The following TECRL variants were observed in gnomAD, a reference collection of about 807,000 sequenced individuals.
The protein encoded by TECRL is trans-2,3-enoyl-CoA reductase like, also known as trans-2,3-enoyl-CoA reductase-like.
A neutral mutation model predicts 52.8 loss-of-function variants in TECRL; 63 were observed. That is an observed-to-expected ratio of 1.19 (90% CI 0.97 to 1.47). The LOEUF (loss-of-function observed/expected upper bound fraction) is 1.47. Among genes scored for constraint, TECRL ranks in the 40% most tolerant of loss-of-function variants. TECRL has a pLI of 0.00. For missense variants in TECRL, 482 were observed against 429.6 expected, an observed-to-expected ratio of 1.12 and a Z score of -1.08; for synonymous variants, 164 against 141.9, an observed-to-expected ratio of 1.16 and a Z score of -1.10.
At chr4:64,338,835 G>A (rs184806304) in intron 2 of TECRL, among the ~76,000 whole-genome samples, 292 of 152,262 alleles carry the variant, frequency 1.9e-3, no homozygotes, top group African/African-American at 6.8e-3. Context: ...ACTGTTGGTA[G>A]GACTGTAAAC....
rs1722798271 is a variant in TECRL at position 64,281,044 on chromosome 4, G to T, written c.961C>A (p.Pro321Thr). The T allele has an allele frequency of 7.5e-6, 12 of 1,597,986 alleles. No homozygotes were observed. The highest frequency in any genetic ancestry group is 1.3e-5 in the African/African-American group (1 of 74,672). Residue 321 changes from proline (P) to threonine (T), a missense_variant, in exon 11 of 12, where the codon CCA becomes ACA. Transcript: ENST00000381210. ...TATCAGTATATCTAGGTCTTACCTG[G>T]CAGTGTTTGTGTCATGACTGTGAAA... The part of the protein sequence containing the change: ...ISFTVMTQTL[P>T]VGIFTLLMSI...
chr4:64,364,872 T>C (rs1577940737), intron 2 of TECRL, among the ~76,000 whole-genome samples: 1 of 147,534 alleles, frequency 6.8e-6, no homozygotes, highest in East Asian at 2.0e-4. Context: ...TTTTTTTTCA[T>C]TGAGGAAGAA....
At chr4:64,306,987 C>T (rs1294078108) in intron 6 of TECRL, among the ~76,000 whole-genome samples, 2 of 152,104 alleles carry the variant, frequency 1.3e-5, no homozygotes, top group African/African-American at 4.8e-5. Flanking sequence ...CTCTATAGGT[C>T]CTATGTCTGG....
intron 2 of TECRL, among the ~76,000 whole-genome samples, chr4:64,348,086 C>T (rs982764950): frequency 5.9e-5 from 9 of 152,034 alleles, no homozygotes; most frequent in African/African-American, 1.9e-4. Context: ...ACCAATTTAC[C>T]GTAGTAGTCT....
intron 2 of TECRL, among the ~76,000 whole-genome samples, chr4:64,370,387 A>C (rs1721894654): frequency 6.6e-6 from 1 of 151,898 alleles, no homozygotes; most frequent in South Asian, 2.1e-4. Context: ...TCTGAGGGAT[A>C]ATATTTGATA....
rs941074312 is a variant in TECRL, at chr4:64,280,069, T to C, written c.*3A>G. 7 of 1,588,414 alleles carry C rather than the reference T, an allele frequency of 4.4e-6. No individual in the cohort carries two copies. The highest frequency in any genetic ancestry group is 6.0e-6 in the Non-Finnish European group (7 of 1,169,676). On this transcript the variant is annotated 3_prime_UTR_variant, in exon 12 of 12. Coordinates refer to ENST00000381210, the MANE Select transcript of TECRL (RefSeq NM_001010874.5). The stretch of plus-strand genomic sequence containing the variant: ...GTTTTCTATAGGAGATAAGATTCTT[T>C]TTTTACAATATGAATGGAATCATTG...
intron 3 of TECRL, among the ~76,000 whole-genome samples, chr4:64,326,044 G>A (rs1231115244): frequency 3.3e-5 from 5 of 152,020 alleles, no homozygotes; most frequent in African/African-American, 7.2e-5. Flanking sequence ...TCATGCTTCA[G>A]CCACTTAAGG....
chr4:64,281,184 G>A (rs1428213774), intron 10 of TECRL, 98 bp from the exon 11 acceptor site: 3 of 792,666 alleles, frequency 3.8e-6, no homozygotes, highest in Non-Finnish European at 5.9e-6. Flanking sequence ...TAAAATATTA[G>A]AAAACTTATA....
chr4:64,390,615 A>G (rs1471120875), intron 1 of TECRL, among the ~76,000 whole-genome samples: 1 of 151,808 alleles, frequency 6.6e-6, no homozygotes, highest in Non-Finnish European at 1.5e-5. Flanking sequence ...GTTATTGTAC[A>G]TTATTGATTA....
At chr4:64,384,264 G>T (rs1196342996) in intron 1 of TECRL, among the ~76,000 whole-genome samples, 1 of 152,012 alleles carries the variant, frequency 6.6e-6, no homozygotes, top group African/African-American at 2.4e-5. Context: ...AGGCAGGTGG[G>T]TACTCAGGCC....
Position 64,328,478 on chromosome 4 carries a change from TTAAA to T in TECRL, c.331+30_331+33del, listed in dbSNP as rs1304762451. On this transcript the variant is annotated intron_variant, in intron 3 of 11. Coordinates refer to ENST00000381210, the MANE Select transcript of TECRL (RefSeq NM_001010874.5). ...TTGAAAATAGAAAAGGGATTATAAA[TTAAA>T]TAAACACATCAGTGAAAAATGCTTC... 13 of 1,582,468 alleles carry T rather than the reference TTAAA, an allele frequency of 8.2e-6. No homozygotes were observed. The Admixed American group carries it at 1.2e-4, about 15-fold the overall frequency.
rs1286021045 is a variant in TECRL at position 64,279,568 on chromosome 4, G to C, written c.*504C>G. ...ATTACAGATATGAACCACCACGGCT[G>C]TCATATTTTTTGTCTTTTTGAAAAT... On this transcript the variant is annotated 3_prime_UTR_variant, in exon 12 of 12. Transcript: ENST00000381210. The C allele has an allele frequency of 6.1e-6, 1 of 163,498 alleles. No individual in the cohort carries two copies. 10.1% of individuals were successfully genotyped at this position (163,498 alleles called of 1,614,324 possible). A position where few individuals can be genotyped will look rare whatever the true frequency, so the allele number is the denominator to read the frequency against.
chr4:64,302,087 G>A (rs1724055061), intron 7 of TECRL, among the ~76,000 whole-genome samples: 1 of 151,128 alleles, frequency 6.6e-6, no homozygotes, highest in South Asian at 2.1e-4. Context: ...TCTGATTTGG[G>A]TATATTAAAA....
chr4:64,325,961 C>A (rs1164431464), intron 3 of TECRL, among the ~76,000 whole-genome samples: 1 of 152,046 alleles, frequency 6.6e-6, no homozygotes, highest in African/African-American at 2.4e-5. Context: ...TGTCCCTTAT[C>A]AAAGGGAGAG....
At chr4:64,360,580 C>A (rs1721106227) in intron 2 of TECRL, among the ~76,000 whole-genome samples, 1 of 152,006 alleles carries the variant, frequency 6.6e-6, no homozygotes, top group East Asian at 1.9e-4. Context: ...CCAAGACAGA[C>A]CAGACCATCA....
Position 64,309,853 on chromosome 4 carries a change from T to A in TECRL, c.630A>T (p.Gly210=), listed in dbSNP as rs1275123794. 1 of 1,611,534 alleles carries A rather than the reference T, an allele frequency of 6.2e-7. No homozygotes were observed. Residue 210 remains glycine (G), a synonymous_variant, in exon 6 of 12, where the codon GGA becomes GGT. Transcript: ENST00000381210. ...TTATCAAATTTTTCAAAGGTGTGTG[T>A]CCTGCAGAAACTTTGTGAACAAATA... ...ETLFVHKVSA[G]HTPLKNLIMS... is the part of the protein sequence containing the mutation.
intron 2 of TECRL, among the ~76,000 whole-genome samples, chr4:64,365,015 T>C (rs570573531): frequency 6.6e-6 from 1 of 151,952 alleles, no homozygotes; most frequent in African/African-American, 2.4e-5. Context: ...GACAAAACAG[T>C]AACAAACTGA....
At chr4:64,320,974 C>T (rs1403432046) in intron 4 of TECRL, among the ~76,000 whole-genome samples, 1 of 152,002 alleles carries the variant, frequency 6.6e-6, no homozygotes, top group East Asian at 1.9e-4. Flanking sequence ...AATAAATCAA[C>T]TATTTTTTTT....
intron 5 of TECRL, among the ~76,000 whole-genome samples, chr4:64,311,482 A>C (rs1254354057): frequency 6.6e-6 from 1 of 152,206 alleles, no homozygotes. Context: ...GTTCTTTTGT[A>C]GATGTAGTTA....
Sources: gnomAD v4.1 joint callset for allele counts (sites outside exome capture counted in the v4.1 genomes callset) on GRCh38, gnomAD v4.1.1 for gene constraint, MANE v1.5 for transcripts, NCBI Gene and HGNC (gene_info 2026-07-23, HGNC 2026-07-21) for gene names.